Variants in UGT1A8 observed in about 807,000 individuals in gnomAD.
UGT1A8 encodes UDP glucuronosyltransferase family 1 member A8, also known as UDP-glucuronosyltransferase 1A8.
A neutral mutation model predicts 45.3 loss-of-function variants in UGT1A8; 39 were observed. The ratio of observed to expected loss-of-function variants is 0.86; its 90% CI spans 0.67 to 1.12. The LOEUF (loss-of-function observed/expected upper bound fraction) is 1.12. Ranked by LOEUF, UGT1A8 falls within the 50% of genes most tolerant of loss-of-function variation. The pLI, the probability that UGT1A8 is intolerant of heterozygous loss-of-function variation, is 0.00. For synonymous variants in UGT1A8, 275 were observed against 249.2 expected, an observed-to-expected ratio of 1.10 and a Z score of -0.97; for missense variants, 719 against 664.9, an observed-to-expected ratio of 1.08 and a Z score of -0.90.
chr2:233,772,380 C>A lies in UGT1A8; in HGVS notation c.1414C>A (p.Arg472Ser), dbSNP rs566674185. ...GAGGCACAAGGGCGCGCCACACCTG[C>A]GCCCCGCAGCCCACGACCTCACCTG... ...VMRHKGAPHL[R>S]PAAHDLTWYQ... Residue 472 changes from arginine to serine, a missense_variant, in exon 5 of 5, where the codon CGC becomes AGC. Transcript: ENST00000373450. The A allele has an allele frequency of 6.2e-7, 1 of 1,614,262 alleles. No homozygotes were observed. The highest frequency in any genetic ancestry group is 1.1e-5 in the South Asian group (1 of 91,086).
chr2:233,656,990 G>A (rs1467910268), intron 1 of UGT1A8, among the ~76,000 whole-genome samples: 2 of 151,478 alleles, frequency 1.3e-5, no homozygotes, highest in Admixed American at 6.6e-5. Flanking sequence ...CTCCGCCTGC[G>A]TTAGGACCTA....
chr2:233,675,716 C>T (rs1461493103), intron 1 of UGT1A8, among the ~76,000 whole-genome samples: 1 of 152,188 alleles, frequency 6.6e-6, no homozygotes, highest in Non-Finnish European at 1.5e-5. Context: ...AAATAATTTT[C>T]ACTATTTTGC....
chr2:233,736,156 G>A (rs1226019844), intron 1 of UGT1A8, among the ~76,000 whole-genome samples: 4 of 152,192 alleles, frequency 2.6e-5, no homozygotes, highest in East Asian at 1.9e-4. Context: ...CCAGTCAAAC[G>A]TAGATTTGGT....
At chr2:233,647,606 T>C (rs2073637665) in intron 1 of UGT1A8, among the ~76,000 whole-genome samples, 1 of 152,246 alleles carries the variant, frequency 6.6e-6, no homozygotes, top group African/African-American at 2.4e-5. Context: ...TTTCTTCTTG[T>C]GTAAAGTCTG....
chr2:233,695,461 T>C (rs558801774), intron 1 of UGT1A8, among the ~76,000 whole-genome samples: 16 of 152,020 alleles, frequency 1.1e-4, no homozygotes, highest in African/African-American at 3.4e-4. Flanking sequence ...ACGTGCTTTA[T>C]TGGCCCTTTA....
At chr2:233,643,198 G>C (rs559242984) in intron 1 of UGT1A8, among the ~76,000 whole-genome samples, 18 of 152,330 alleles carry the variant, frequency 1.2e-4, no homozygotes, top group African/African-American at 4.1e-4. Context: ...TCAGGGACTA[G>C]AGTCAAAAAC....
chr2:233,765,865 C>T (rs953477423), intron 1 of UGT1A8, among the ~76,000 whole-genome samples: 7 of 151,942 alleles, frequency 4.6e-5, no homozygotes, highest in South Asian at 2.1e-4. Context: ...CATGTGACAG[C>T]GGGAGGGGCT....
chr2:233,717,520 C>A (rs1221437442), intron 1 of UGT1A8, among the ~76,000 whole-genome samples: 1 of 152,224 alleles, frequency 6.6e-6, no homozygotes, highest in Non-Finnish European at 1.5e-5. Flanking sequence ...GGAGTAACTT[C>A]CTCCATAAGG....
At chr2:233,743,105 G>C (rs1692204465) in intron 1 of UGT1A8, 2 of 354,440 alleles carry the variant, frequency 5.6e-6, no homozygotes, top group East Asian at 7.4e-5. Context: ...GGGTACAGCT[G>C]TTCTGAAAGT....
intron 1 of UGT1A8, chr2:233,747,344 G>A (rs1693636128): frequency 6.2e-7 from 1 of 1,603,174 alleles, no homozygotes; most frequent in African/African-American, 1.3e-5. Context: ...TGGCTCGCAT[G>A]CGGGAGGCCG....
chr2:233,665,825 G>A (rs1032517445), intron 1 of UGT1A8, among the ~76,000 whole-genome samples: 5 of 152,108 alleles, frequency 3.3e-5, no homozygotes, highest in African/African-American at 1.2e-4. Context: ...TGTGATCTAT[G>A]GTAGGTGTAT....
chr2:233,629,559 A>G (rs1417226242), intron 1 of UGT1A8, among the ~76,000 whole-genome samples: 2 of 152,090 alleles, frequency 1.3e-5, no homozygotes, highest in Admixed American at 1.3e-4. Context: ...TTTTGCATCT[A>G]AGCTCATGAG....
intron 1 of UGT1A8, chr2:233,743,270 C>T (rs538069492): frequency 2.1e-6 from 1 of 467,964 alleles, no homozygotes; most frequent in East Asian, 7.0e-5. Context: ...TCCTCCACTT[C>T]CACCCTTTCT....
chr2:233,756,325 C>G (rs903343397), intron 1 of UGT1A8: 1 of 152,158 alleles, frequency 6.6e-6, no homozygotes, highest in Non-Finnish European at 1.5e-5. Context: ...CTCCTTTAAA[C>G]CTCTAGTCAT....
At chr2:233,634,577 T>G (rs906173763) in intron 1 of UGT1A8, among the ~76,000 whole-genome samples, 1 of 152,228 alleles carries the variant, frequency 6.6e-6, no homozygotes. Flanking sequence ...TTGTCTTTTT[T>G]GATCTCTGTT....
intron 1 of UGT1A8, among the ~76,000 whole-genome samples, chr2:233,626,190 T>TA (rs2073081472): frequency 6.6e-6 from 1 of 152,080 alleles, no homozygotes; most frequent in African/African-American, 2.4e-5. Flanking sequence ...ACAGTACTAA[T>TA]CCTTCTTCCC....
intron 1 of UGT1A8, among the ~76,000 whole-genome samples, chr2:233,724,261 G>C (rs1182689801): frequency 8.1e-5 from 8 of 98,862 alleles, no homozygotes; most frequent in East Asian, 3.8e-4. Context: ...CTCACCTCCC[G>C]GACGGGGCGG....
intron 1 of UGT1A8, among the ~76,000 whole-genome samples, chr2:233,619,602 T>C (rs942924583): frequency 6.6e-6 from 1 of 152,204 alleles, no homozygotes; most frequent in South Asian, 2.1e-4. Flanking sequence ...ATTTTCACTA[T>C]ATAAGCATTT....
At chr2:233,760,284 C>G (rs752018052) in intron 1 of UGT1A8, 1 of 1,612,882 alleles carries the variant, frequency 6.2e-7, no homozygotes, top group Non-Finnish European at 8.5e-7. Context: ...GGAGCAAAGG[C>G]GCCATGGCTG....
Sources: allele counts gnomAD v4.1 joint callset (sites outside exome capture counted in the v4.1 genomes callset), GRCh38; gene constraint gnomAD v4.1.1; transcripts MANE v1.5; gene names NCBI Gene and HGNC (gene_info 2026-07-23, HGNC 2026-07-21).